Variants in SLFN12 observed in about 807,000 individuals in gnomAD.
The protein encoded by SLFN12 is schlafen family member 12.
SLFN12 carries 25 observed loss-of-function variants against 29.1 expected under a neutral mutation model. That is an observed-to-expected ratio of 0.86 (90% CI 0.63 to 1.20). The LOEUF (loss-of-function observed/expected upper bound fraction) is 1.20. Among genes scored for constraint, SLFN12 ranks in the 50% most tolerant of loss-of-function variants. The pLI is 0.00. For synonymous variants in SLFN12, 257 were observed against 238.7 expected (o/e 1.08, Z -0.71); for missense variants, 660 against 666.2 (o/e 0.99, Z 0.10).
chr17:35,427,408 G>A (rs1912075987), intron 1 of SLFN12, among the ~76,000 whole-genome samples: 1 of 151,980 alleles, frequency 6.6e-6, no homozygotes, highest in South Asian at 2.1e-4. Flanking sequence ...AACGCAATTC[G>A]ATAATATTTT....
chr17:35,432,360 T>C lies in SLFN12; in HGVS notation c.-213A>G, dbSNP rs1174461802. 1 of 152,194 alleles carries C rather than the reference T, an allele frequency of 6.6e-6. No individual in the cohort carries two copies. Among genetic ancestry groups the C allele is most frequent in the Non-Finnish European group, 1.5e-5 (1 of 68,112 alleles). The allele number at this position is 152,194 out of a possible 1,614,324, so 9.4% of individuals were successfully genotyped here. A position where few individuals can be genotyped will look rare whatever the true frequency, so the allele number is the denominator to read the frequency against. Reference sequence around the variant, plus strand: ...CACAGGGTGGGAGCAGGCCCGAGGATAGCGGCTCAAGAGCCCGGTTTCAGA... The same window carrying C: ...CACAGGGTGGGAGCAGGCCCGAGGACAGCGGCTCAAGAGCCCGGTTTCAGA... On this transcript the variant is annotated 5_prime_UTR_variant, in exon 1 of 4. Transcript: ENST00000304905.
chr17:35,423,917 C>T (rs921751115), intron 1 of SLFN12, among the ~76,000 whole-genome samples: 2 of 152,122 alleles, frequency 1.3e-5, no homozygotes, highest in Admixed American at 1.3e-4. Context: ...GGAAAAGGGC[C>T]CTCACCAGAA....
intron 2 of SLFN12, among the ~76,000 whole-genome samples, chr17:35,421,209 AAAATAAATAAATAAATAAATAAAT>A (rs71152711): frequency 7.8e-5 from 11 of 140,298 alleles, no homozygotes; most frequent in African/African-American, 2.9e-4. Context: ...ACTCCGTCTC[AAAATAAATAAATAAATAAATAAAT>A]AAATAAATAA....
chr17:35,418,512 G>T (rs532358010), intron 3 of SLFN12, among the ~76,000 whole-genome samples: 2 of 151,936 alleles, frequency 1.3e-5, no homozygotes, highest in African/African-American at 4.8e-5. Flanking sequence ...CTTTTCTCTA[G>T]CTTACTTTAT....
At chr17:35,421,374 CG>C (rs1454790314) in intron 2 of SLFN12, among the ~76,000 whole-genome samples, 1 of 151,656 alleles carries the variant, frequency 6.6e-6, no homozygotes, top group South Asian at 2.1e-4. Flanking sequence ...AAGGATTAAA[CG>C]GGGTTTCCTT....
chr17:35,427,241 C>T (rs1161626141), intron 1 of SLFN12, among the ~76,000 whole-genome samples: 1 of 152,156 alleles, frequency 6.6e-6, no homozygotes, highest in East Asian at 1.9e-4. Flanking sequence ...TTGAATGCTG[C>T]TTTTCCTTGA....
chr17:35,423,134 A>G, intron 1 of SLFN12, 66 bp from the exon 2 acceptor site: 2 of 1,488,446 alleles, frequency 1.3e-6, no homozygotes. Flanking sequence ...CTGTATTATG[A>G]GGCAAATGCA....
intron 1 of SLFN12, among the ~76,000 whole-genome samples, chr17:35,427,290 G>C (rs184602498): frequency 6.6e-6 from 1 of 152,090 alleles, no homozygotes; most frequent in Non-Finnish European, 1.5e-5. Flanking sequence ...TTTGTTGTTA[G>C]TTCAGCCAGT....
intron 1 of SLFN12, among the ~76,000 whole-genome samples, chr17:35,424,576 T>A (rs1370170725): frequency 1.3e-5 from 2 of 152,118 alleles, no homozygotes; most frequent in Non-Finnish European, 2.9e-5. Flanking sequence ...AAGTCCATCA[T>A]AGGTAGTAAT....
intron 2 of SLFN12, among the ~76,000 whole-genome samples, chr17:35,421,436 T>G (rs1911640741): frequency 1.3e-5 from 2 of 151,638 alleles, no homozygotes; most frequent in African/African-American, 4.8e-5. Context: ...TTAATTGGGT[T>G]TTTGCACCAG....
intron 1 of SLFN12, chr17:35,430,619 A>G (rs948256350): frequency 2.6e-5 from 4 of 152,122 alleles, no homozygotes; most frequent in Non-Finnish European, 5.9e-5. Context: ...AAAACCTTTG[A>G]GAGAATACAG....
At chr17:35,425,818 T>TTTTTCTTTTC (rs1397735905) in intron 1 of SLFN12, among the ~76,000 whole-genome samples, 2 of 140,144 alleles carry the variant, frequency 1.4e-5, no homozygotes, top group African/African-American at 5.1e-5. Flanking sequence ...ATGGTGGTTC[T>TTTTTCTTTTC]TTTTCTTTTC....
intron 1 of SLFN12, among the ~76,000 whole-genome samples, chr17:35,424,616 G>T (rs909964603): frequency 6.6e-6 from 1 of 152,116 alleles, no homozygotes; most frequent in African/African-American, 2.4e-5. Context: ...TGTAAAGGGG[G>T]TCAGAATATT....
intron 3 of SLFN12, among the ~76,000 whole-genome samples, chr17:35,417,159 TTAAG>T (rs1177202436): frequency 6.6e-6 from 1 of 152,080 alleles, no homozygotes; most frequent in East Asian, 1.9e-4. Flanking sequence ...AAATTCTAAA[TTAAG>T]TATTAGCAGC....
At position 35,422,856 on chromosome 17, in the gene SLFN12, A is replaced by G. The variant is rs200158247; in HGVS notation, c.173T>C (p.Val58Ala). 14 of 1,613,484 alleles carry G rather than the reference A, an allele frequency of 8.7e-6. No homozygotes were observed. The highest frequency in any genetic ancestry group is 1.2e-5 in the Non-Finnish European group (14 of 1,179,886). The change falls in exon 2 of 4, where the codon GTG (valine) becomes GCG (alanine). Residue 58 changes from valine (V) to alanine (A), a missense_variant. Physicochemically the swap from Val to Ala is moderately conservative, Grantham distance 64 (BLOSUM62 0). Transcript: ENST00000304905. ...MCALLNSGGGVIKAEIENEDY... is the reference protein window; with the variant it reads ...MCALLNSGGGAIKAEIENEDY... ...TTCATTCTCAATTTCAGCCTTGATC[A>G]CTCCCCCTCCAGAATTGAGCAGAGC...
At chr17:35,418,943 C>G (rs561563411) in intron 3 of SLFN12, among the ~76,000 whole-genome samples, 3 of 152,198 alleles carry the variant, frequency 2.0e-5, no homozygotes, top group South Asian at 2.1e-4. Flanking sequence ...TCTCAGCCCA[C>G]TGCAAGCTCC....
chr17:35,412,377 A>C (rs1911077048), intron 3 of SLFN12, among the ~76,000 whole-genome samples: 2 of 152,110 alleles, frequency 1.3e-5, no homozygotes, highest in Admixed American at 1.3e-4. Context: ...GAAACACAGA[A>C]GAAAATATCA....
At chr17:35,421,788 C>T (rs754983801) in intron 2 of SLFN12, among the ~76,000 whole-genome samples, 3 of 151,832 alleles carry the variant, frequency 2.0e-5, no homozygotes, top group Non-Finnish European at 4.4e-5. Context: ...GATCCGCCCG[C>T]CTTGGCCTCC....
Position 35,411,918 on chromosome 17 carries a change from C to T in SLFN12, c.1157G>A (p.Gly386Glu), listed in dbSNP as rs1198794862. 1.3e-6 allele frequency: 2 copies of T among 1,582,112 alleles called. No homozygotes were observed. Among genetic ancestry groups the T allele is most frequent in the African/African-American group, 1.4e-5 (1 of 73,560 alleles). The change falls in exon 4 of 4, where the codon GGA becomes GAA. Residue 386 changes from glycine to glutamate, a missense_variant. Transcript: ENST00000304905. ...GTTTTCTGGAGTATACGTTATCCTT[C>T]CTGATAGCCCTGAATAAGGAAATAA... ...RQRHHCPGLSGRITYTPENLC... is the reference protein window; with the variant it reads ...RQRHHCPGLSERITYTPENLC...
Sources: allele counts gnomAD v4.1 joint callset (sites outside exome capture counted in the v4.1 genomes callset), GRCh38; gene constraint gnomAD v4.1.1; transcripts MANE v1.5; gene names NCBI Gene and HGNC (gene_info 2026-07-23, HGNC 2026-07-21).